DAOA: variants seen among roughly 807,000 people sequenced by gnomAD.
DAOA encodes D-amino acid oxidase activator, also known as D-amino acid oxidase regulator.
A neutral mutation model predicts 16.4 loss-of-function variants in DAOA; 15 were observed. The observed-to-expected ratio is 0.91, with a 90% CI of 0.61 to 1.41. The LOEUF (loss-of-function observed/expected upper bound fraction) is 1.41, where lower values mean the gene tolerates loss of function less well. Ranked by LOEUF, DAOA falls within the 40% of genes most tolerant of loss-of-function variation. The pLI, the probability that DAOA is intolerant of heterozygous loss-of-function variation, is 0.00. For synonymous variants in DAOA, 75 were observed against 59.1 expected (o/e 1.27, Z -1.23); for missense variants, 230 against 176.8 (o/e 1.30, Z -1.71).
At chr13:105,472,885 T>C (rs1484105873) in intron 4 of DAOA, among the ~76,000 whole-genome samples, 200 bp downstream of exon 4, 3 of 152,178 alleles carry the variant, frequency 2.0e-5, no homozygotes, top group African/African-American at 7.2e-5. Context: ...CTTCTTCACA[T>C]TTTTTCATGC....
chr13:105,479,173 T>C (rs1877542165), intron 4 of DAOA, among the ~76,000 whole-genome samples: 1 of 152,198 alleles, frequency 6.6e-6, no homozygotes, highest in South Asian at 2.1e-4. Context: ...CCAAAACAAG[T>C]ACATAGCTTT....
chr13:105,469,430 G>A (rs1876771204), intron 3 of DAOA, among the ~76,000 whole-genome samples: 1 of 152,080 alleles, frequency 6.6e-6, no homozygotes, highest in Non-Finnish European at 1.5e-5. Context: ...ATTTCTTTCA[G>A]GTATTCACCA....
chr13:105,476,770 C>CT (rs1877370615), intron 4 of DAOA, among the ~76,000 whole-genome samples: 1 of 151,928 alleles, frequency 6.6e-6, no homozygotes, highest in Non-Finnish European at 1.5e-5. Flanking sequence ...GGTGAGTACT[C>CT]TAACTCAAAA....
rs376693801 is a variant in DAOA at position 105,490,123 on chromosome 13, A to C, written c.*42A>C. 7 of 1,526,602 alleles carry C rather than the reference A, an allele frequency of 4.6e-6. No homozygotes were observed. Among genetic ancestry groups the C allele is most frequent in the Non-Finnish European group, 6.2e-6 (7 of 1,132,728 alleles). 94.6% of individuals were successfully genotyped at this position (1,526,602 alleles called of 1,614,324 possible). On this transcript the variant is annotated 3_prime_UTR_variant, in exon 5 of 6. Coordinates refer to ENST00000375936, the MANE Select transcript of DAOA (RefSeq NM_172370.5). ...TTCCCAGCCAATCCTTCTGATGACA[A>C]TGTAGTCTGGCCAACATCTTCACTG...
chr13:105,479,958 T>C (rs1235648897), intron 4 of DAOA, among the ~76,000 whole-genome samples: 1 of 152,146 alleles, frequency 6.6e-6, no homozygotes, highest in East Asian at 1.9e-4. Context: ...CAAAGCAAGA[T>C]AAATCAATTG....
intron 4 of DAOA, among the ~76,000 whole-genome samples, chr13:105,473,532 GT>G (rs1877136588): frequency 6.6e-6 from 1 of 151,974 alleles, no homozygotes. Flanking sequence ...TGACTTTCAT[GT>G]TTTATCTGAG....
Position 105,466,370 on chromosome 13 carries a change from AGTGC to A in DAOA, c.44+39_44+42del. On this transcript the variant is annotated intron_variant, in intron 2 of 5. Coordinates refer to ENST00000375936, the MANE Select transcript of DAOA (RefSeq NM_172370.5). ...GGGTTTTTTACAGCATGGCGGCCTCAGTGCAATGTGACATTTGCATGGCAGCACA... is the reference window on the plus strand; with the variant it reads ...GGGTTTTTTACAGCATGGCGGCCTCAAATGTGACATTTGCATGGCAGCACA... The A allele has an allele frequency of 5.6e-6, 9 of 1,613,692 alleles. No homozygotes were observed. The South Asian group carries it at 9.9e-5, about 18-fold the overall frequency.
chr13:105,482,291 T>C (rs1005572788), intron 4 of DAOA, among the ~76,000 whole-genome samples: 1 of 152,172 alleles, frequency 6.6e-6, no homozygotes, highest in African/African-American at 2.4e-5. Context: ...CATGCCTTAT[T>C]TAACTAAATT....
At chr13:105,467,172 A>T in intron 3 of DAOA, 31 bp downstream of exon 3, 1 of 1,555,180 alleles carries the variant, frequency 6.4e-7, no homozygotes, top group Non-Finnish European at 8.7e-7. Context: ...ATATGAATTT[A>T]AATTCTTCTA....
In DAOA at chr13:105,489,925, T is replaced by A. The variant is rs747233227; in HGVS notation, c.306T>A (p.Val102=). Residue 102 remains valine, a synonymous_variant, in exon 5 of 6, where the codon GTT becomes GTA. Transcript: ENST00000375936. The part of the protein sequence containing the change: ...YAELEEVSSH[V]GKVFMARNYE... ...GGCTTGAAGAAGTAAGCAGCCATGTTGGAAAAGTCTTCATGGCAAGAAACT... is the reference window on the plus strand; with the variant it reads ...GGCTTGAAGAAGTAAGCAGCCATGTAGGAAAAGTCTTCATGGCAAGAAACT... 26 of 1,613,928 alleles carry A rather than the reference T, an allele frequency of 1.6e-5. No individual in the cohort carries two copies. The East Asian group carries it at 5.6e-4, about 35-fold the overall frequency.
At chr13:105,471,088 A>C (rs780257286) in intron 3 of DAOA, among the ~76,000 whole-genome samples, 19 of 151,680 alleles carry the variant, frequency 1.3e-4, no homozygotes, top group Non-Finnish European at 5.9e-5. Flanking sequence ...GTGCCCGGCC[A>C]ATTTTTTTGT....
At chr13:105,479,795 A>G (rs1298017951) in intron 4 of DAOA, among the ~76,000 whole-genome samples, 1 of 152,218 alleles carries the variant, frequency 6.6e-6, no homozygotes, top group African/African-American at 2.4e-5. Flanking sequence ...TTAAACCAGT[A>G]GAGACTACTT....
intron 4 of DAOA, among the ~76,000 whole-genome samples, chr13:105,472,893 T>C (rs1877073622): frequency 1.3e-5 from 2 of 152,184 alleles, no homozygotes; most frequent in South Asian, 4.1e-4. Context: ...CATTTTTTCA[T>C]GCAGTAGTTT....
At chr13:105,473,596 C>CA (rs1330722708) in intron 4 of DAOA, among the ~76,000 whole-genome samples, 2 of 151,678 alleles carry the variant, frequency 1.3e-5, no homozygotes, top group Admixed American at 6.6e-5. Context: ...GTTTGCCACG[C>CA]AAAAAAAGTA....
At chr13:105,469,158 G>A (rs1302870900) in intron 3 of DAOA, among the ~76,000 whole-genome samples, 4 of 152,032 alleles carry the variant, frequency 2.6e-5, no homozygotes, top group African/African-American at 9.7e-5. Context: ...CATACCATAG[G>A]GTTCAATAAT....
rs1878093816 is a variant in DAOA, at chr13:105,486,185, C to T, written c.282-3716C>T. 3.3e-5 allele frequency among the ~76,000 whole-genome samples: 5 copies of T among 152,152 alleles called. 1 individual carries two copies. In the South Asian group the frequency reaches 1.0e-3, roughly 31 times the overall value. ...TAAGGATGCTGTCCAGGATCTAAAA[C>T]ATGATCTAAATGGACCTCAATAATC... On this transcript the variant is annotated intron_variant, in intron 4 of 5. Coordinates refer to ENST00000375936, the MANE Select transcript of DAOA (RefSeq NM_172370.5).
At chr13:105,478,922 G>A (rs577378362) in intron 4 of DAOA, among the ~76,000 whole-genome samples, 6 of 152,044 alleles carry the variant, frequency 3.9e-5, no homozygotes, top group Admixed American at 6.5e-5. Flanking sequence ...ACCCACTCTT[G>A]TCTACTCATT....
intron 3 of DAOA, among the ~76,000 whole-genome samples, chr13:105,469,552 A>G (rs1876781505): frequency 6.6e-6 from 1 of 152,212 alleles, no homozygotes; most frequent in African/African-American, 2.4e-5. Context: ...AGCTTATTAT[A>G]GGGGACTGAG....
intron 3 of DAOA, among the ~76,000 whole-genome samples, chr13:105,471,365 T>C (rs2139171824): frequency 6.6e-6 from 1 of 152,224 alleles, no homozygotes; most frequent in Non-Finnish European, 1.5e-5. Flanking sequence ...TGGTATAAAA[T>C]TTGGACTAAG....
Sources: allele counts gnomAD v4.1 joint callset (sites outside exome capture counted in the v4.1 genomes callset), GRCh38; gene constraint gnomAD v4.1.1; transcripts MANE v1.5; gene names NCBI Gene and HGNC (gene_info 2026-07-23, HGNC 2026-07-21).